Variants in CDK15 observed in about 807,000 individuals in gnomAD.
CDK15 encodes the protein cyclin-dependent kinase 15.
CDK15 carries 62 observed loss-of-function variants against 60.3 expected under a neutral mutation model. The ratio of observed to expected loss-of-function variants is 1.03; its 90% CI spans 0.84 to 1.27. The LOEUF (loss-of-function observed/expected upper bound fraction) is 1.27. Ranked by LOEUF, CDK15 falls within the 50% of genes most tolerant of loss-of-function variation. CDK15 has a pLI of 0.00. For synonymous variants in CDK15, 194 were observed against 195.7 expected (o/e 0.99, Z 0.07); for missense variants, 541 against 527.8 (o/e 1.03, Z -0.25).
chr2:201,864,948 A>G (rs1698557195), intron 10 of CDK15, among the ~76,000 whole-genome samples: 1 of 152,236 alleles, frequency 6.6e-6, no homozygotes, highest in South Asian at 2.1e-4. Context: ...GAGAGAGTGT[A>G]GAGAAAGAAG....
intron 3 of CDK15, among the ~76,000 whole-genome samples, chr2:201,812,173 C>CAAAAAAAAAAAAAAAAA (rs56808760): frequency 2.1e-5 from 2 of 96,804 alleles, no homozygotes; most frequent in South Asian, 3.1e-4. Context: ...GATTCTGTCT[C>CAAAAAAAAAAAAAAAAA]AAAAAAAAAA....
intron 6 of CDK15, 132 bp from the exon 7 acceptor site, chr2:201,833,716 C>CTT (rs768867701): frequency 8.2e-5 from 14 of 170,988 alleles, no homozygotes; most frequent in East Asian, 2.7e-4. Context: ...TCTTCTTCTT[C>CTT]TTTTTTTTTT....
At chr2:201,863,374 TTTAATTTA>T (rs1156577211) in intron 10 of CDK15, among the ~76,000 whole-genome samples, 2 of 151,022 alleles carry the variant, frequency 1.3e-5, no homozygotes, top group Non-Finnish European at 2.9e-5. Context: ...TATATACAAT[TTTAATTTA>T]TTAATTAAAA....
intron 11 of CDK15, among the ~76,000 whole-genome samples, chr2:201,878,911 C>A (rs536159491): frequency 6.6e-6 from 1 of 152,162 alleles, no homozygotes; most frequent in Admixed American, 6.5e-5. Flanking sequence ...TAGGTTTCAA[C>A]ATAAATTTGA....
intron 10 of CDK15, 48 bp from the exon 11 acceptor site, chr2:201,872,230 G>C (rs35273085): frequency 7.5e-6 from 12 of 1,592,262 alleles, no homozygotes; most frequent in African/African-American, 1.3e-5. Flanking sequence ...TTGGCAACAG[G>C]GTTTTCGGGT....
intron 9 of CDK15, among the ~76,000 whole-genome samples, chr2:201,849,506 C>G (rs893811604): frequency 6.6e-6 from 1 of 151,380 alleles, no homozygotes; most frequent in African/African-American, 2.4e-5. Context: ...AGTAACTCTA[C>G]AAGACTCTAC....
chr2:201,863,683 A>T (rs1042722493), intron 10 of CDK15, among the ~76,000 whole-genome samples: 3 of 152,036 alleles, frequency 2.0e-5, no homozygotes, highest in African/African-American at 7.2e-5. Flanking sequence ...TTCACTTGAG[A>T]TCAGGAGTTC....
At position 201,809,738 on chromosome 2, in the gene CDK15, G is replaced by A. The variant is rs368210936; in HGVS notation, c.368+1786G>A. ...ATAGAATCCCTACCCTCCATTCCCC[G>A]GCACACACTCAGCTCCTCCCTGTCC... On this transcript the variant is annotated intron_variant, in intron 3 of 13. Transcript: ENST00000652192. 2.2e-4 allele frequency among the ~76,000 whole-genome samples: 33 copies of A among 152,004 alleles called. 1 individual carries two copies. Among genetic ancestry groups the A allele is most frequent in the African/African-American group, 7.5e-4 (31 of 41,484 alleles).
intron 10 of CDK15, among the ~76,000 whole-genome samples, chr2:201,856,391 T>A (rs1698145074): frequency 6.6e-6 from 1 of 152,238 alleles, no homozygotes; most frequent in Non-Finnish European, 1.5e-5. Context: ...TTGTGAATGG[T>A]TATATCTATT....
intron 3 of CDK15, 117 bp from the exon 4 acceptor site, chr2:201,812,366 G>T: frequency 3.4e-6 from 2 of 594,684 alleles, no homozygotes; most frequent in Non-Finnish European, 6.1e-6. Flanking sequence ...GAAAATTATA[G>T]ATTTATATGC....
At chr2:201,836,037 TTA>T (rs1438289805) in intron 8 of CDK15, among the ~76,000 whole-genome samples, 1 of 55,328 alleles carries the variant, frequency 1.8e-5, no homozygotes, top group African/African-American at 5.3e-5. Flanking sequence ...TATATATATT[TTA>T]TATATATTTA....
chr2:201,895,383 C>T lies in CDK15; in HGVS notation c.*2116C>T, dbSNP rs1376483078. ...AATTATCCTCTTTATAATGGAGGAA[C>T]ATTATGCTTATGCATATGCATATAC... On this transcript the variant is annotated 3_prime_UTR_variant, in exon 14 of 14. Coordinates refer to ENST00000652192, the MANE Select transcript of CDK15 (RefSeq NM_001366386.2). 3 of 152,182 alleles carry T rather than the reference C, an allele frequency of 2.0e-5. No homozygotes were observed. Among genetic ancestry groups the T allele is most frequent in the Admixed American group, 6.5e-5 (1 of 15,280 alleles). The allele number at this position is 152,182 out of a possible 1,614,324, so 9.4% of individuals were successfully genotyped here.
In CDK15 at chr2:201,880,518, G is replaced by A. The variant is rs138457804; in HGVS notation, c.1198+351G>A. Among the ~76,000 whole-genome samples the A allele has an allele frequency of 8.8e-3, 1,346 of 152,366 alleles. 17 individuals carry two copies. Among genetic ancestry groups the A allele is most frequent in the African/African-American group, 0.031 (1,290 of 41,572 alleles). On this transcript the variant is annotated intron_variant, in intron 12 of 13. Transcript: ENST00000652192. Reference sequence around the variant, plus strand: ...TACCATCTGCCAGGAAGCCACACCAGTGTTTCTAACAAGACTCTTCTCCCT... The same window carrying A: ...TACCATCTGCCAGGAAGCCACACCAATGTTTCTAACAAGACTCTTCTCCCT...
intron 12 of CDK15, among the ~76,000 whole-genome samples, chr2:201,887,438 G>A (rs868696582): frequency 1.3e-5 from 2 of 152,124 alleles, no homozygotes; most frequent in Non-Finnish European, 2.9e-5. Flanking sequence ...AAAAGAATAA[G>A]TTAAAACAAA....
chr2:201,807,806 T>C (rs193603), intron 2 of CDK15, 52 bp from the exon 3 acceptor site: 104,705 of 1,569,326 alleles, frequency 0.067, 5,349 homozygotes, highest in African/African-American at 0.26. Flanking sequence ...AAAAAAAGTG[T>C]TCTTTCTCTC....
chr2:201,889,361 T>A, intron 12 of CDK15: 2 of 982,846 alleles, frequency 2.0e-6, no homozygotes, highest in Non-Finnish European at 1.2e-6. Context: ...ACAATGTGGC[T>A]GCTGCCTCTT....
At chr2:201,832,053 T>G (rs1696778124) in intron 6 of CDK15, among the ~76,000 whole-genome samples, 1 of 151,982 alleles carries the variant, frequency 6.6e-6, no homozygotes, top group Admixed American at 6.6e-5. Context: ...AAAACATTTT[T>G]TTTTTTTTTT....
At chr2:201,872,436 G>A in intron 11 of CDK15, 110 bp downstream of exon 11, 1 of 1,152,336 alleles carries the variant, frequency 8.7e-7, no homozygotes, top group Non-Finnish European at 1.3e-6. Context: ...CTTCCATGTG[G>A]GGGCTCTAAG....
At chr2:201,836,166 ATATTTATATATTATATATATTTTTT>A (rs1344504569) in intron 8 of CDK15, among the ~76,000 whole-genome samples, 3 of 113,222 alleles carry the variant, frequency 2.6e-5, no homozygotes, top group Admixed American at 1.4e-4. Context: ...ATATATTTAT[ATATTTATATATTATATATATTTTTT>A]TATATATATA....
Sources: gnomAD v4.1 joint callset for allele counts (sites outside exome capture counted in the v4.1 genomes callset) on GRCh38, gnomAD v4.1.1 for gene constraint, MANE v1.5 for transcripts, NCBI Gene and HGNC (gene_info 2026-07-23, HGNC 2026-07-21) for gene names.